ESR1: variants seen among roughly 807,000 people sequenced by gnomAD.
The protein encoded by ESR1 is estrogen receptor.
ESR1 carries 12 observed loss-of-function variants against 52.7 expected under a neutral mutation model. The ratio of observed to expected loss-of-function variants is 0.23; its 90% CI spans 0.15 to 0.37. ESR1 has a LOEUF of 0.37. Ranked by LOEUF, ESR1 falls within the 10% of genes least tolerant of loss-of-function variation. The pLI is 1.00. For missense variants in ESR1, 584 were observed against 779.7 expected, an observed-to-expected ratio of 0.75 and a Z score of 2.99; for synonymous variants, 305 against 316.8, an observed-to-expected ratio of 0.96 and a Z score of 0.39.
At chr6:151,985,191 T>C (rs1172502730) in intron 4 of ESR1, among the ~76,000 whole-genome samples, 2 of 152,034 alleles carry the variant, frequency 1.3e-5, no homozygotes, top group African/African-American at 4.8e-5. Context: ...CTGGACTTCA[T>C]GGGACACCAA....
intron 1 of ESR1, among the ~76,000 whole-genome samples, chr6:151,820,027 T>C (rs1032800900): frequency 6.6e-6 from 1 of 152,010 alleles, no homozygotes; most frequent in Admixed American, 6.6e-5. Flanking sequence ...GGATAGACAA[T>C]GAAAAAACAG....
intron 4 of ESR1, among the ~76,000 whole-genome samples, chr6:151,999,888 A>C (rs1254646801): frequency 6.6e-6 from 1 of 152,074 alleles, no homozygotes; most frequent in Non-Finnish European, 1.5e-5. Flanking sequence ...TAATCTGAGA[A>C]GTCATCTGTA....
intron 1 of ESR1, among the ~76,000 whole-genome samples, chr6:151,832,150 A>G (rs1478279689): frequency 1.3e-5 from 2 of 152,220 alleles, no homozygotes; most frequent in African/African-American, 4.8e-5. Flanking sequence ...AAACAGTATA[A>G]AAGAGCTAGA....
rs1786033337 is a variant in ESR1 at position 151,776,779 on chromosome 6, A to G, written c.-70-31064A>G. Reference sequence around the variant, plus strand: ...CTTGAACCCGGGAGGCAGAGGTTGCAGAGAGCCGAGATCACGCCACTGCAC... The same window carrying G: ...CTTGAACCCGGGAGGCAGAGGTTGCGGAGAGCCGAGATCACGCCACTGCAC... On this transcript the variant is annotated intron_variant, in intron 2 of 2. Coordinates refer to the ESR1 transcript ENST00000404742. Among the ~76,000 whole-genome samples, 4 of 151,860 alleles carry G rather than the reference A, an allele frequency of 2.6e-5. No homozygotes were observed. In the South Asian group the frequency reaches 8.3e-4, roughly 32 times the overall value.
chr6:152,025,106 A>G (rs1208289983), intron 5 of ESR1, among the ~76,000 whole-genome samples: 2 of 151,660 alleles, frequency 1.3e-5, no homozygotes, highest in Non-Finnish European at 3.0e-5. Flanking sequence ...TGAATTATTA[A>G]GTACTTTTAA....
At chr6:152,002,607 A>C (rs2042043135) in intron 4 of ESR1, among the ~76,000 whole-genome samples, 1 of 152,038 alleles carries the variant, frequency 6.6e-6, no homozygotes, top group Non-Finnish European at 1.5e-5. Flanking sequence ...AAGCACTTAA[A>C]AGGGCAGTCT....
intron 2 of ESR1, among the ~76,000 whole-genome samples, chr6:151,853,739 T>C (rs978325260): frequency 3.9e-5 from 6 of 152,044 alleles, no homozygotes; most frequent in African/African-American, 1.4e-4. Flanking sequence ...TTCAAGCATT[T>C]TTCTTCATTT....
intron 3 of ESR1, among the ~76,000 whole-genome samples, chr6:151,884,039 C>A (rs1365347868): frequency 6.6e-6 from 1 of 152,124 alleles, no homozygotes; most frequent in Non-Finnish European, 1.5e-5. Flanking sequence ...CAGTATGTGG[C>A]AATATCCCAT....
intron 5 of ESR1, among the ~76,000 whole-genome samples, chr6:152,038,254 T>G (rs1181139615): frequency 6.6e-6 from 1 of 152,228 alleles, no homozygotes; most frequent in African/African-American, 2.4e-5. Context: ...CTCTGCCTGC[T>G]TTTATCCTAG....
intron 2 of ESR1, among the ~76,000 whole-genome samples, chr6:151,751,276 T>G (rs1335492534): frequency 1.3e-5 from 2 of 152,224 alleles, no homozygotes; most frequent in African/African-American, 4.8e-5. Flanking sequence ...ATTTGTATAA[T>G]TTTTACATAT....
At chr6:151,867,594 A>G (rs1012173254) in intron 2 of ESR1, among the ~76,000 whole-genome samples, 1 of 152,190 alleles carries the variant, frequency 6.6e-6, no homozygotes, top group East Asian at 1.9e-4. Flanking sequence ...CAAAACCACA[A>G]TGACATACTA....
intron 2 of ESR1, among the ~76,000 whole-genome samples, chr6:151,715,540 A>G (rs1287021979): frequency 6.7e-6 from 1 of 149,732 alleles, no homozygotes; most frequent in African/African-American, 2.5e-5. Flanking sequence ...ATTCCTTTTC[A>G]CTCTTTCTTC....
chr6:151,957,856 A>G (rs888116942), intron 4 of ESR1, among the ~76,000 whole-genome samples: 2 of 152,226 alleles, frequency 1.3e-5, no homozygotes, highest in African/African-American at 4.8e-5. Flanking sequence ...ACATAAAATT[A>G]GTCCAGACTT....
intron 2 of ESR1, among the ~76,000 whole-genome samples, chr6:151,798,871 C>T (rs1776958415): frequency 6.6e-6 from 1 of 152,170 alleles, no homozygotes. Flanking sequence ...GAACTCTCTT[C>T]TGATGAGTAA....
At chr6:151,838,964 T>C (rs966081659) in intron 1 of ESR1, among the ~76,000 whole-genome samples, 1 of 152,198 alleles carries the variant, frequency 6.6e-6, no homozygotes, top group African/African-American at 2.4e-5. Flanking sequence ...TGTCAATATT[T>C]ATAAAAATAG....
At chr6:152,004,498 TTACAG>T (rs1217210587) in intron 4 of ESR1, among the ~76,000 whole-genome samples, 1 of 151,998 alleles carries the variant, frequency 6.6e-6, no homozygotes, top group Non-Finnish European at 1.5e-5. Flanking sequence ...CATGTATGCA[TTACAG>T]TAGAGAGCTC....
chr6:151,674,688 CTGT>C (rs1273881149), intron 1 of ESR1, among the ~76,000 whole-genome samples: 1 of 152,188 alleles, frequency 6.6e-6, no homozygotes, highest in East Asian at 1.9e-4. Flanking sequence ...TCTCCAGCAT[CTGT>C]TGTTTCCTGA....
chr6:151,670,948 A>G (rs913589718), intron 1 of ESR1, among the ~76,000 whole-genome samples: 1 of 151,684 alleles, frequency 6.6e-6, no homozygotes, highest in Admixed American at 6.6e-5. Context: ...TTGTATTCTT[A>G]GTAGAGATGG....
In ESR1 at chr6:151,724,298, G is replaced by C. The variant is rs144265935; in HGVS notation, c.-71+22293G>C. 3.3e-3 allele frequency among the ~76,000 whole-genome samples: 507 copies of C among 152,230 alleles called. 2 individuals carry two copies. Among genetic ancestry groups the C allele is most frequent in the African/African-American group, 0.012 (483 of 41,562 alleles). ...GACTCCCTGAAAACAGAGAAATGAA[G>C]TGAAGGCTATCATGTTAAATGGGGA... On this transcript the variant is annotated intron_variant, in intron 2 of 2. Coordinates refer to the ESR1 transcript ENST00000404742.
Sources: gnomAD v4.1 joint callset for allele counts (sites outside exome capture counted in the v4.1 genomes callset) on GRCh38, gnomAD v4.1.1 for gene constraint, MANE v1.5 for transcripts, NCBI Gene and HGNC (gene_info 2026-07-23, HGNC 2026-07-21) for gene names.